The following TRA2B variants were observed in gnomAD, a reference collection of about 807,000 sequenced individuals.
TRA2B encodes the protein transformer-2 protein homolog beta.
Under a neutral mutation model 41.7 loss-of-function variants are expected in TRA2B, and 14 were observed. The observed-to-expected ratio is 0.34, with a 90% CI of 0.22 to 0.53. TRA2B has a LOEUF of 0.53. Ranked by LOEUF, TRA2B falls within the 20% of genes least tolerant of loss-of-function variation. The pLI, the probability that TRA2B is intolerant of heterozygous loss-of-function variation, is 0.95. For synonymous variants in TRA2B, 130 were observed against 128.8 expected, an observed-to-expected ratio of 1.01 and a Z score of -0.06; for missense variants, 167 against 396.8, an observed-to-expected ratio of 0.42 and a Z score of 4.92.
At chr3:185,930,755 A>G (rs1420802557) in intron 1 of TRA2B, among the ~76,000 whole-genome samples, 6 of 152,220 alleles carry the variant, frequency 3.9e-5, no homozygotes, top group Admixed American at 3.9e-4. Flanking sequence ...GATACCAGGT[A>G]ACCAGAATAA....
Position 185,916,615 on chromosome 3 carries a change from C to T in TRA2B, c.*1100G>A, listed in dbSNP as rs564010169. The stretch of plus-strand genomic sequence containing the variant: ...CCAGGAATACAGAAATTCATCCCCC[C>T]CTCAACCCAGCCCAAAATAGCAAAG... On this transcript the variant is annotated 3_prime_UTR_variant, in exon 9 of 9. Transcript: ENST00000453386. 3 of 152,496 alleles carry T rather than the reference C, an allele frequency of 2.0e-5. No homozygotes were observed. The highest frequency in any genetic ancestry group is 2.9e-5 in the Non-Finnish European group (2 of 68,028). 9.4% of individuals were successfully genotyped at this position (152,496 alleles called of 1,614,324 possible). A position where few individuals can be genotyped will look rare whatever the true frequency, so the allele number is the denominator to read the frequency against.
At chr3:185,933,496 G>A (rs893935516) in intron 1 of TRA2B, among the ~76,000 whole-genome samples, 3 of 151,908 alleles carry the variant, frequency 2.0e-5, no homozygotes, top group Non-Finnish European at 4.4e-5. Context: ...TGTTTCTAGG[G>A]GATACAACTA....
chr3:185,935,645 C>G (rs1227777390), intron 1 of TRA2B: 1 of 985,274 alleles, frequency 1.0e-6, no homozygotes, highest in South Asian at 4.7e-5. Context: ...AGTTGAATAA[C>G]ACTCATTTTT....
intron 1 of TRA2B, among the ~76,000 whole-genome samples, chr3:185,933,857 A>G (rs1027983744): frequency 2.6e-5 from 4 of 152,116 alleles, no homozygotes; most frequent in South Asian, 2.1e-4. Context: ...GCAAATATAA[A>G]TATCTTTTGA....
chr3:185,920,811 G>C (rs1217683055), intron 6 of TRA2B, among the ~76,000 whole-genome samples: 1 of 152,062 alleles, frequency 6.6e-6, no homozygotes, highest in East Asian at 1.9e-4. Context: ...TTACAGGCGT[G>C]AGCTACTGCG....
At position 185,935,447 on chromosome 3, in the gene TRA2B, CTG is replaced by C. The variant is rs921343403; in HGVS notation, c.36+2376_36+2377del. ...AAATGTATTCTATTGAGTGATCAAACTGAGAATAATTTATCCCACACACCCAA... is the reference window on the plus strand; with the variant it reads ...AAATGTATTCTATTGAGTGATCAAACAGAATAATTTATCCCACACACCCAA... On this transcript the variant is annotated intron_variant, in intron 1 of 8. Coordinates refer to ENST00000453386, the MANE Select transcript of TRA2B (RefSeq NM_004593.3). 1.8e-5 allele frequency: 18 copies of C among 985,158 alleles called. No homozygotes were observed. In the African/African-American group the frequency reaches 1.9e-4, roughly 11 times the overall value. The allele number at this position is 985,158 out of a possible 1,614,324, so 61.0% of individuals were successfully genotyped here.
At chr3:185,926,507 A>C in intron 2 of TRA2B, 94 bp downstream of exon 2, 2 of 1,516,422 alleles carry the variant, frequency 1.3e-6, no homozygotes, top group Non-Finnish European at 1.8e-6. Context: ...TAGGCCAACA[A>C]ATAATCTAAC....
At chr3:185,926,871 AT>A in intron 1 of TRA2B, 137 bp from the exon 2 acceptor site, 1 of 987,816 alleles carries the variant, frequency 1.0e-6, no homozygotes, top group African/African-American at 1.6e-5. Flanking sequence ...CAGGAACTGA[AT>A]ATACCTGGTG....
intron 1 of TRA2B, chr3:185,935,325 T>TTA: frequency 1.0e-6 from 1 of 984,590 alleles, no homozygotes; most frequent in Non-Finnish European, 1.2e-6. Context: ...GATTTTAGTG[T>TTA]TAATCTATTA....
chr3:185,930,534 G>A (rs1235005036), intron 1 of TRA2B, among the ~76,000 whole-genome samples: 1 of 152,146 alleles, frequency 6.6e-6, no homozygotes, highest in African/African-American at 2.4e-5. Context: ...TTTATTTCAG[G>A]AAGACATGTG....
In TRA2B at chr3:185,917,053, CTGTG is replaced by C; in HGVS notation, c.*658_*661del. On this transcript the variant is annotated 3_prime_UTR_variant, in exon 9 of 9. Transcript: ENST00000453386. ...AAGAAACAGCCTTTTAAGGCATACA[CTGTG>C]TAACTCTTCGTATTTCCTGCTATAC... 1 of 152,494 alleles carries C rather than the reference CTGTG, an allele frequency of 6.6e-6. No individual in the cohort carries two copies. The highest frequency in any genetic ancestry group is 2.1e-4 in the South Asian group (1 of 4,828). The allele number at this position is 152,494 out of a possible 1,614,324, so 9.4% of individuals were successfully genotyped here. A position where few individuals can be genotyped will look rare whatever the true frequency, so the allele number is the denominator to read the frequency against.
intron 3 of TRA2B, chr3:185,925,218 G>A: frequency 3.1e-6 from 1 of 327,066 alleles, no homozygotes; most frequent in Non-Finnish European, 5.6e-6. Context: ...GCAGTCGGAA[G>A]TTTTTTTTTT....
chr3:185,921,454 T>C (rs1480056979), intron 5 of TRA2B, among the ~76,000 whole-genome samples: 2 of 152,122 alleles, frequency 1.3e-5, no homozygotes, highest in Admixed American at 1.3e-4. Context: ...ACAAAAATAG[T>C]ATCACTTTGC....
Position 185,916,612 on chromosome 3 carries a change from C to T in TRA2B, c.*1103G>A, listed in dbSNP as rs1743509109. On this transcript the variant is annotated 3_prime_UTR_variant, in exon 9 of 9. Transcript: ENST00000453386. ...TTTCCAGGAATACAGAAATTCATCC[C>T]CCCCTCAACCCAGCCCAAAATAGCA... 6.6e-6 allele frequency: 1 copy of T among 152,432 alleles called. No individual in the cohort carries two copies. Among genetic ancestry groups the T allele is most frequent in the African/African-American group, 2.4e-5 (1 of 41,394 alleles). The allele number at this position is 152,432 out of a possible 1,614,324, so 9.4% of individuals were successfully genotyped here.
intron 1 of TRA2B, among the ~76,000 whole-genome samples, chr3:185,929,339 G>A (rs1478532771): frequency 6.6e-6 from 1 of 152,100 alleles, no homozygotes; most frequent in Non-Finnish European, 1.5e-5. Context: ...AATGCAGACA[G>A]GTAAAGCTAT....
intron 1 of TRA2B, among the ~76,000 whole-genome samples, chr3:185,933,785 T>C (rs1370653467): frequency 6.8e-6 from 1 of 147,698 alleles, no homozygotes; most frequent in East Asian, 2.1e-4. Context: ...AAAACTCTCT[T>C]GTAAATATAG....
Position 185,915,627 on chromosome 3 carries a change from T to C in TRA2B, c.*2088A>G, listed in dbSNP as rs1486631310. Among the ~76,000 whole-genome samples, 1 of 152,208 alleles carries C rather than the reference T, an allele frequency of 6.6e-6. No homozygotes were observed. The highest frequency in any genetic ancestry group is 1.5e-5 in the Non-Finnish European group (1 of 68,038). The stretch of plus-strand genomic sequence containing the variant: ...TGCCTGTTAACACTCTTTGTAGCCA[T>C]GTCAAATGGCTAAAATTCTTTCAAA... On this transcript the variant is annotated 3_prime_UTR_variant, in exon 9 of 9. Coordinates refer to ENST00000453386, the MANE Select transcript of TRA2B (RefSeq NM_004593.3).
chr3:185,924,199 G>A, intron 3 of TRA2B: 1 of 397,428 alleles, frequency 2.5e-6, no homozygotes, highest in Admixed American at 4.4e-5. Flanking sequence ...TTCAACCTTA[G>A]AATTAAGTAG....
chr3:185,931,521 T>C (rs930040399), intron 1 of TRA2B: 2 of 1,109,154 alleles, frequency 1.8e-6, no homozygotes, highest in African/African-American at 1.6e-5. Flanking sequence ...ATTAAACAAA[T>C]AATGCATGCA....
Sources: allele counts gnomAD v4.1 joint callset (sites outside exome capture counted in the v4.1 genomes callset), GRCh38; gene constraint gnomAD v4.1.1; transcripts MANE v1.5; gene names NCBI Gene and HGNC (gene_info 2026-07-23, HGNC 2026-07-21).